ASMTL: variants seen among roughly 807,000 people sequenced by gnomAD.
ASMTL encodes the protein probable bifunctional dTTP/UTP pyrophosphatase/methyltransferase protein.
In ASMTL, 57 loss-of-function variants were observed where a neutral mutation model predicts 60.3. The ratio of observed to expected loss-of-function variants is 0.95; its 90% CI spans 0.76 to 1.18. The LOEUF is 1.18. Ranked by LOEUF, ASMTL falls within the 50% of genes most tolerant of loss-of-function variation. The probability of loss-of-function intolerance (pLI) is 0.00; values close to 1 mark genes in which losing one functional copy is unlikely to be tolerated. For synonymous variants in ASMTL, 419 were observed against 373.0 expected (o/e 1.12, Z -1.42); for missense variants, 981 against 852.6 (o/e 1.15, Z -1.88).
chrX:1,412,378 C>T (rs2090063081), intron 12 of ASMTL, among the ~76,000 whole-genome samples: 1 of 151,692 alleles, frequency 6.6e-6, no homozygotes, highest in Admixed American at 6.6e-5. Flanking sequence ...CAGGTGCGCA[C>T]TACCACACCT....
At position 1,418,059 on chromosome X, in the gene ASMTL, G is replaced by A. The variant is rs373001941; in HGVS notation, c.1436C>T (p.Thr479Ile). ...LAREYPRMQV[T>I]VFDLPDIIEL... ...GATAATGTCTGGGAGGTCAAACACA[G>A]TCACCTGCATACGAGGGTACTCACG... Residue 479 changes from threonine (T) to isoleucine (I), a missense_variant, in exon 11 of 13, where the codon ACT becomes ATT. Thr to Ile is a moderately conservative substitution (Grantham distance 89, BLOSUM62 -1). Transcript: ENST00000381317. 1.6e-5 allele frequency: 26 copies of A among 1,613,462 alleles called. No individual in the cohort carries two copies. The highest frequency in any genetic ancestry group is 2.7e-5 in the African/African-American group (2 of 74,912).
chrX:1,452,677 G>T (rs1370835073), intron 1 of ASMTL, 71 bp downstream of exon 1: 1 of 1,308,564 alleles, frequency 7.6e-7, no homozygotes, highest in Non-Finnish European at 1.1e-6. Flanking sequence ...TAGAGTTCCT[G>T]AGTCGCTGGG....
chrX:1,451,491 A>T (rs762916462), intron 1 of ASMTL, among the ~76,000 whole-genome samples: 4 of 108,960 alleles, frequency 3.7e-5, no homozygotes, highest in African/African-American at 1.4e-4. Context: ...CCCTACCCCC[A>T]TCCCTAGGGG....
At chrX:1,443,131 G>A (rs777996760) in intron 1 of ASMTL, among the ~76,000 whole-genome samples, 2,848 of 149,300 alleles carry the variant, frequency 0.019, 65 homozygotes, top group African/African-American at 0.064. Context: ...CACCGCCGTC[G>A]TGGACACACG....
chrX:1,427,520 G>A lies in ASMTL; in HGVS notation c.897+214C>T, dbSNP rs1363656670. Among the ~76,000 whole-genome samples the A allele has an allele frequency of 5.9e-5, 9 of 151,734 alleles. No individual in the cohort carries two copies. In the East Asian group the frequency reaches 1.7e-3, roughly 29 times the overall value. On this transcript the variant is annotated intron_variant, in intron 7 of 12. Coordinates refer to ENST00000381317, the MANE Select transcript of ASMTL (RefSeq NM_004192.4). ...TGGAGGACGTGGCAGAGACTGGAGT[G>A]ATGCGGCCACAAGCCCAGGGATGCC...
chrX:1,438,223 C>T (rs1279924920), intron 3 of ASMTL, among the ~76,000 whole-genome samples: 40 of 151,876 alleles, frequency 2.6e-4, no homozygotes, highest in African/African-American at 9.7e-4. Flanking sequence ...GCGGAGGTCC[C>T]GGTGAGCCGA....
At chrX:1,451,859 C>T (rs759494320) in intron 1 of ASMTL, among the ~76,000 whole-genome samples, 63 of 140,060 alleles carry the variant, frequency 4.5e-4, no homozygotes, top group African/African-American at 1.6e-3. Flanking sequence ...CATGGGGCTC[C>T]GGGGTCACTC....
intron 3 of ASMTL, among the ~76,000 whole-genome samples, chrX:1,437,013 C>T (rs2090984140): frequency 6.6e-6 from 1 of 151,844 alleles, no homozygotes; most frequent in Non-Finnish European, 1.5e-5. Context: ...GAGATGCCAT[C>T]TTCTCCCTGT....
At chrX:1,451,151 G>A (rs1296375507) in intron 1 of ASMTL, among the ~76,000 whole-genome samples, 9 of 125,070 alleles carry the variant, frequency 7.2e-5, no homozygotes, top group African/African-American at 2.8e-4. Flanking sequence ...AGGGGGTCCT[G>A]GGACACTCCT....
At position 1,403,148 on chromosome X, in the gene ASMTL, G is replaced by A. The variant is rs2089656479; in HGVS notation, c.*121C>T. 3.8e-6 allele frequency: 3 copies of A among 788,444 alleles called. No homozygotes were observed. The highest frequency in any genetic ancestry group is 4.5e-5 in the Admixed American group (2 of 44,304). The allele number at this position is 788,444 out of a possible 1,614,324, so 48.8% of individuals were successfully genotyped here. A position where few individuals can be genotyped will look rare whatever the true frequency, so the allele number is the denominator to read the frequency against. ...ATGGAGGAGGCAGAGACAGGCTTTT[G>A]CTTTCTTTATTCAGTCACGACTACA... On this transcript the variant is annotated 3_prime_UTR_variant, in exon 13 of 13. Transcript: ENST00000381317.
At chrX:1,416,044 GGC>G (rs1217989086) in intron 11 of ASMTL, among the ~76,000 whole-genome samples, 1 of 16,190 alleles carries the variant, frequency 6.2e-5, no homozygotes, top group Non-Finnish European at 6.1e-4. Context: ...TACAGTGACA[GGC>G]ACACGCGCAC....
intron 3 of ASMTL, 38 bp downstream of exon 3, chrX:1,439,059 A>C (rs763858612): frequency 6.2e-7 from 1 of 1,610,290 alleles, no homozygotes; most frequent in Non-Finnish European, 8.5e-7. Context: ...GGAAAACCAC[A>C]TCGGACATTA....
chrX:1,424,306 A>G (rs2090553835), intron 8 of ASMTL, among the ~76,000 whole-genome samples: 1 of 148,848 alleles, frequency 6.7e-6, no homozygotes, highest in African/African-American at 2.5e-5. Context: ...CCACCTACCC[A>G]TTCATCCATC....
At chrX:1,431,044 T>C (rs1387655278) in intron 6 of ASMTL, among the ~76,000 whole-genome samples, 10 of 132,124 alleles carry the variant, frequency 7.6e-5, no homozygotes, top group African/African-American at 1.8e-4. Context: ...ATTAATCATA[T>C]TTAATACATA....
In ASMTL at chrX:1,412,163, C is replaced by T. The variant is rs144660279; in HGVS notation, c.1645+569G>A. Reference sequence around the variant, plus strand: ...AGCAGATTTACCCTCCACAATTTAGCGGGCCTCTCACCCAGACGCTGGACC... The same window carrying T: ...AGCAGATTTACCCTCCACAATTTAGTGGGCCTCTCACCCAGACGCTGGACC... On this transcript the variant is annotated intron_variant, in intron 12 of 12. Coordinates refer to ENST00000381317, the MANE Select transcript of ASMTL (RefSeq NM_004192.4). Among the ~76,000 whole-genome samples the T allele has an allele frequency of 7.1e-3, 1,076 of 152,124 alleles. 15 individuals are homozygous for T. The highest frequency in any genetic ancestry group is 0.023 in the African/African-American group (968 of 41,508).
intron 7 of ASMTL, 54 bp downstream of exon 7, chrX:1,427,680 C>T (rs566241770): frequency 2.6e-6 from 4 of 1,530,264 alleles, no homozygotes; most frequent in East Asian, 2.3e-5. Flanking sequence ...TTGATTTAAG[C>T]CGAGTGTGTA....
chrX:1,445,848 C>T (rs1282095106), intron 1 of ASMTL, among the ~76,000 whole-genome samples: 2 of 152,042 alleles, frequency 1.3e-5, no homozygotes, highest in Admixed American at 6.6e-5. Flanking sequence ...GCTGAGGGGA[C>T]ATGGTGAGGT....
chrX:1,411,139 G>T (rs1210970734), intron 12 of ASMTL, among the ~76,000 whole-genome samples: 1 of 152,026 alleles, frequency 6.6e-6, no homozygotes, highest in Non-Finnish European at 1.5e-5. Flanking sequence ...AGCCAAGATC[G>T]TGCCACTGCA....
intron 9 of ASMTL, among the ~76,000 whole-genome samples, chrX:1,419,599 C>T (rs763106394): frequency 6.6e-6 from 1 of 152,144 alleles, no homozygotes; most frequent in South Asian, 2.1e-4. Flanking sequence ...CAAGTCCCCC[C>T]AGTGGCACCT....
Sources: allele counts gnomAD v4.1 joint callset (sites outside exome capture counted in the v4.1 genomes callset), GRCh38; gene constraint gnomAD v4.1.1; transcripts MANE v1.5; gene names NCBI Gene and HGNC (gene_info 2026-07-23, HGNC 2026-07-21).